Variants in UNC79 observed in about 807,000 individuals in gnomAD.
UNC79 encodes unc-79 subunit of NALCN channel complex, also known as protein unc-79 homolog.
A neutral mutation model predicts 283.1 loss-of-function variants in UNC79; 37 were observed. That is an observed-to-expected ratio of 0.13 (90% CI 0.10 to 0.17). The LOEUF is 0.17. UNC79 is among the 10% of genes least tolerant of loss of function. The pLI is 1.00. For synonymous variants in UNC79, 1,107 were observed against 1,200.2 expected, an observed-to-expected ratio of 0.92 and a Z score of 1.61; for missense variants, 2,272 against 3,211.1, an observed-to-expected ratio of 0.71 and a Z score of 7.07.
intron 39 of UNC79, among the ~76,000 whole-genome samples, chr14:93,659,518 C>T (rs562618451): frequency 5.9e-5 from 9 of 152,246 alleles, no homozygotes; most frequent in Non-Finnish European, 1.0e-4. Flanking sequence ...ACTAACTAGG[C>T]GATCCTTCTA....
At chr14:93,693,428 A>C (rs2074852709) in intron 46 of UNC79, among the ~76,000 whole-genome samples, 1 of 152,222 alleles carries the variant, frequency 6.6e-6, no homozygotes, top group Admixed American at 6.5e-5. Flanking sequence ...AATGTTACAA[A>C]TGAATTTGTT....
At chr14:93,371,413 C>T (rs1249027729) in intron 1 of UNC79, among the ~76,000 whole-genome samples, 3 of 151,840 alleles carry the variant, frequency 2.0e-5, no homozygotes, top group African/African-American at 4.8e-5. Context: ...AACCCAAAAA[C>T]ACACACACAA....
intron 7 of UNC79, among the ~76,000 whole-genome samples, chr14:93,504,423 A>G (rs899728112): frequency 2.0e-5 from 3 of 152,026 alleles, no homozygotes; most frequent in African/African-American, 7.2e-5. Flanking sequence ...ATCTTGATCA[A>G]TTTGGGAAAC....
chr14:93,630,395 G>A (rs554324490), intron 30 of UNC79, among the ~76,000 whole-genome samples: 42 of 152,324 alleles, frequency 2.8e-4, no homozygotes, highest in Non-Finnish European at 4.7e-4. Flanking sequence ...AAATTGAGAC[G>A]CAAATGATAA....
Position 93,505,816 on chromosome 14 carries a change from A to G in UNC79, c.898+8530A>G, listed in dbSNP as rs571514421. On this transcript the variant is annotated intron_variant, in intron 7 of 48. Coordinates refer to ENST00000555664, the Ensembl canonical transcript of UNC79. ...TTTGTAAGTTATTTAGTCCTCTACTATTCTTTCAATCATTACCCTAGAGAT... is the reference window on the plus strand; with the variant it reads ...TTTGTAAGTTATTTAGTCCTCTACTGTTCTTTCAATCATTACCCTAGAGAT... Among the ~76,000 whole-genome samples, 24 of 151,032 alleles carry G rather than the reference A, an allele frequency of 1.6e-4. No homozygotes were observed. The South Asian group carries it at 4.8e-3, about 30-fold the overall frequency.
At chr14:93,389,167 C>T (rs997713410) in intron 1 of UNC79, among the ~76,000 whole-genome samples, 1 of 152,066 alleles carries the variant, frequency 6.6e-6, no homozygotes, top group Non-Finnish European at 1.5e-5. Context: ...TAGGATGGCT[C>T]CTCAAGGCAA....
chr14:93,378,962 A>G (rs1457510598), intron 1 of UNC79, among the ~76,000 whole-genome samples: 2 of 152,228 alleles, frequency 1.3e-5, no homozygotes, highest in African/African-American at 4.8e-5. Flanking sequence ...GAAAGGCTAC[A>G]CGAGGTCCTA....
At chr14:93,434,689 T>A (rs1268990030) in intron 1 of UNC79, among the ~76,000 whole-genome samples, 1 of 152,180 alleles carries the variant, frequency 6.6e-6, no homozygotes, top group Non-Finnish European at 1.5e-5. Context: ...TGACCTTAGA[T>A]AAGTTAATGT....
upstream of UNC79, among the ~76,000 whole-genome samples, chr14:93,426,656 T>C (rs1206113526): frequency 1.3e-5 from 2 of 152,042 alleles, no homozygotes; most frequent in Non-Finnish European, 2.9e-5. Context: ...ATTAATATCA[T>C]CTAGTGAATT....
At chr14:93,406,707 C>T (rs2055233585) in intron 1 of UNC79, among the ~76,000 whole-genome samples, 1 of 152,202 alleles carries the variant, frequency 6.6e-6, no homozygotes, top group South Asian at 2.1e-4. Flanking sequence ...CTTTTGGGTT[C>T]TGCTCTAACA....
intron 47 of UNC79, among the ~76,000 whole-genome samples, chr14:93,701,153 A>C (rs555511920): frequency 6.7e-6 from 1 of 148,298 alleles, no homozygotes; most frequent in South Asian, 2.1e-4. Flanking sequence ...CTGCCTGAAA[A>C]CTCTCTCTAG....
chr14:93,686,249 C>G (rs2074230120), intron 42 of UNC79, among the ~76,000 whole-genome samples: 1 of 152,136 alleles, frequency 6.6e-6, no homozygotes, highest in Non-Finnish European at 1.5e-5. Flanking sequence ...AATGGCATGA[C>G]ATAGGCTGAA....
At chr14:93,463,072 CTTAG>C (rs1718483552) in intron 1 of UNC79, among the ~76,000 whole-genome samples, 1 of 151,936 alleles carries the variant, frequency 6.6e-6, no homozygotes, top group African/African-American at 2.4e-5. Flanking sequence ...AATTCCAACA[CTTAG>C]ATATCAACTA....
chr14:93,472,550 GT>G (rs2057566973), intron 2 of UNC79, among the ~76,000 whole-genome samples: 1 of 151,974 alleles, frequency 6.6e-6, no homozygotes, highest in Non-Finnish European at 1.5e-5. Flanking sequence ...ATTATCAATT[GT>G]TTTCCCCTGG....
At chr14:93,696,484 A>G (rs1336624060) in intron 47 of UNC79, among the ~76,000 whole-genome samples, 2 of 152,246 alleles carry the variant, frequency 1.3e-5, no homozygotes, top group Admixed American at 1.3e-4. Context: ...AACACTTGGC[A>G]TAGTCAATCT....
At chr14:93,612,832 G>C (rs770668797) in exon 27 of UNC79, 23 of 1,613,982 alleles carry the variant, frequency 1.4e-5, no homozygotes, top group Non-Finnish European at 1.9e-5. Context: ...CACCATCAAG[G>C]ACCTGCTCCC....
intron 30 of UNC79, among the ~76,000 whole-genome samples, chr14:93,625,200 A>G (rs971586552): frequency 6.6e-6 from 1 of 152,084 alleles, no homozygotes; most frequent in African/African-American, 2.4e-5. Context: ...CCTACAGCCC[A>G]TGTCACTGGA....
chr14:93,338,104 C>A (rs111503167), intron 1 of UNC79, among the ~76,000 whole-genome samples: 1 of 152,126 alleles, frequency 6.6e-6, no homozygotes. Flanking sequence ...ACAAGCCGAG[C>A]GCAGCCTGCC....
intron 1 of UNC79, among the ~76,000 whole-genome samples, chr14:93,436,779 G>C (rs538797128): frequency 6.6e-6 from 1 of 152,144 alleles, no homozygotes; most frequent in South Asian, 2.1e-4. Flanking sequence ...CAATACTCTT[G>C]CTTTCTGTAA....
Sources: allele counts gnomAD v4.1 joint callset (sites outside exome capture counted in the v4.1 genomes callset), GRCh38; gene constraint gnomAD v4.1.1; transcripts MANE v1.5; gene names NCBI Gene and HGNC (gene_info 2026-07-23, HGNC 2026-07-21).